The following EPN1 variants were observed in gnomAD, a reference collection of about 807,000 sequenced individuals.
EPN1 encodes the protein epsin 1.
Under a neutral mutation model 56.9 loss-of-function variants are expected in EPN1, and 25 were observed. That is an observed-to-expected ratio of 0.44 (90% CI 0.32 to 0.61). EPN1 has a LOEUF of 0.61. Ranked by LOEUF, EPN1 falls within the 20% of genes least tolerant of loss-of-function variation. The pLI, the probability that EPN1 is intolerant of heterozygous loss-of-function variation, is 0.05. For missense variants in EPN1, 785 were observed against 823.7 expected (o/e 0.95, Z 0.58); for synonymous variants, 411 against 361.8 (o/e 1.14, Z -1.54).
rs1206959659 is a variant in EPN1, at chr19:55,678,509, G to A, written c.-101-18G>A. On this transcript the variant is annotated intron_variant, in intron 1 of 10. Coordinates refer to ENST00000270460, the MANE Select transcript of EPN1 (RefSeq NM_001130072.2). ...CCATGTCCCATTTGTGTTTCCAGAG[G>A]TCCTCTTCCCCTCGCAGATGCGGTG... is the stretch of plus-strand genomic sequence containing the variant. The A allele has an allele frequency of 2.0e-6, 3 of 1,531,760 alleles. No homozygotes were observed. Among genetic ancestry groups the A allele is most frequent in the East Asian group, 4.9e-5 (2 of 40,862 alleles). 94.9% of individuals were successfully genotyped at this position (1,531,760 alleles called of 1,614,324 possible). A position where few individuals can be genotyped will look rare whatever the true frequency, so the allele number is the denominator to read the frequency against.
chr19:55,685,570 C>T lies in EPN1; in HGVS notation c.403C>T (p.Arg135Cys), dbSNP rs371934499. Residue 135 changes from arginine (R) to cysteine (C), a missense_variant, in exon 3 of 11, where the codon CGC (arginine) becomes TGC (cysteine). Arg to Cys is a radical substitution (Grantham distance 180). Around this residue, in one of 2 missense-constraint regions of EPN1, gnomAD observed 135 missense variants for 218.7 expected, o/e 0.62. Transcript: ENST00000270460. ...EKAKQLVALLRDEDRLREERA... is the reference protein window; with the variant it reads ...EKAKQLVALLCDEDRLREERA... ...AGCTAAGCAGCTGGTGGCCCTGCTG[C>T]GCGACGAGGACCGGCTGCGGGAAGA... The T allele has an allele frequency of 5.0e-6, 8 of 1,610,050 alleles. No individual in the cohort carries two copies. Among genetic ancestry groups the T allele is most frequent in the African/African-American group, 2.7e-5 (2 of 74,848 alleles).
At position 55,694,898 on chromosome 19, in the gene EPN1, A is replaced by T; in HGVS notation, c.1437A>T (p.Ala479=). The T allele has an allele frequency of 6.3e-7, 1 of 1,593,050 alleles. No homozygotes were observed. The highest frequency in any genetic ancestry group is 8.5e-7 in the Non-Finnish European group (1 of 1,170,248). Residue 479 remains alanine, a synonymous_variant, in exon 10 of 11, where the codon GCA becomes GCT. Transcript: ENST00000270460. This position sits in a 1 kb window ranked among gnomAD's most constrained non-coding sequence, Gnocchi z 4.2. The part of the protein sequence containing the change: ...KTPESFLGPN[A]ALVDLDSLVS... ...CGGAGTCATTCCTGGGGCCCAATGC[A>T]GCCCTCGTCGACCTGGACTCGCTGG... is the stretch of plus-strand genomic sequence containing the variant.
rs1986371466 is a variant in EPN1 at position 55,689,219 on chromosome 19, C to T, written c.604-78C>T. ...GACCCCCAGCCCTCTCTTTCTTCGG[C>T]TCTATCTGACCCTGGCTCTGCCTCT... is the stretch of plus-strand genomic sequence containing the variant. On this transcript the variant is annotated intron_variant, in intron 4 of 10. Coordinates refer to ENST00000270460, the MANE Select transcript of EPN1 (RefSeq NM_001130072.2). The surrounding 1 kb of genome is among the most constrained non-coding windows in gnomAD (Gnocchi z 5.7). 5.7e-6 allele frequency: 7 copies of T among 1,226,668 alleles called. 1 individual carries two copies. In the Middle Eastern group the frequency reaches 9.4e-4, roughly 165 times the overall value. The allele number at this position is 1,226,668 out of a possible 1,614,324, so 76.0% of individuals were successfully genotyped here. A position where few individuals can be genotyped will look rare whatever the true frequency, so the allele number is the denominator to read the frequency against.
Position 55,701,959 on chromosome 19 carries a change from C to CT in EPN1, c.*6623dup, listed in dbSNP as rs1160028473. 4,015 of 110,742 alleles carry CT rather than the reference C, an allele frequency of 0.036. 164 individuals carry two copies. Among genetic ancestry groups the CT allele is most frequent in the Non-Finnish European group, 0.051 (2,925 of 57,150 alleles). The allele number at this position is 110,742 out of a possible 1,614,324, so 6.9% of individuals were successfully genotyped here. A position where few individuals can be genotyped will look rare whatever the true frequency, so the allele number is the denominator to read the frequency against. On this transcript the variant is annotated 3_prime_UTR_variant, in exon 11 of 11. Transcript: ENST00000270460. ...AGTCTCTAGCAGCCCCCACCCCATT[C>CT]TTTTTTTTTTTTTTTTTTTTGAGAT...
intron 1 of EPN1, chr19:55,677,546 C>G: frequency 6.7e-7 from 1 of 1,491,664 alleles, no homozygotes; most frequent in Non-Finnish European, 9.1e-7. Flanking sequence ...TATTTAACTT[C>G]CAGGAGCCCA....
In EPN1 at chr19:55,697,641, T is replaced by C. The variant is rs1299131290; in HGVS notation, c.*2285T>C. Reference sequence around the variant, plus strand: ...CTACAGCATCTTCGGCATCTTCTTTTCCCTACAGTGCGAATTACAAAGTAG... The same window carrying C: ...CTACAGCATCTTCGGCATCTTCTTTCCCCTACAGTGCGAATTACAAAGTAG... On this transcript the variant is annotated 3_prime_UTR_variant, in exon 11 of 11. Transcript: ENST00000270460. 2.6e-5 allele frequency: 4 copies of C among 152,106 alleles called. No homozygotes were observed. The East Asian group carries it at 7.7e-4, about 29-fold the overall frequency. 9.4% of individuals were successfully genotyped at this position (152,106 alleles called of 1,614,324 possible).
chr19:55,700,367 C>T lies in EPN1; in HGVS notation c.*5011C>T, dbSNP rs1987084503. 1.3e-5 allele frequency: 2 copies of T among 151,216 alleles called. No individual in the cohort carries two copies. The highest frequency in any genetic ancestry group is 5.0e-5 in the African/African-American group (2 of 39,820). 9.4% of individuals were successfully genotyped at this position (151,216 alleles called of 1,614,324 possible). ...CGATCTCGGCTCACTGCAACCTCCG[C>T]CTCCCGGGTTCAAGCGATTCTCCTG... is the stretch of plus-strand genomic sequence containing the variant. On this transcript the variant is annotated 3_prime_UTR_variant, in exon 11 of 11. Transcript: ENST00000270460.
At chr19:55,680,178 T>C (rs1436747720) in intron 2 of EPN1, among the ~76,000 whole-genome samples, 1 of 152,180 alleles carries the variant, frequency 6.6e-6, no homozygotes, top group African/African-American at 2.4e-5. Context: ...GCTGCTTTAC[T>C]GAGGTGTAAT....
chr19:55,688,765 T>C (rs1259693228), intron 3 of EPN1, 105 bp from the exon 4 acceptor site: 3 of 1,484,596 alleles, frequency 2.0e-6, no homozygotes, highest in Non-Finnish European at 2.7e-6. Context: ...GTGGGGGACT[T>C]GGGGGGTGGG....
rs984816862 is a variant in EPN1 at position 55,693,267 on chromosome 19, A to G, written c.1264+230A>G. The G allele has an allele frequency of 3.6e-5, 19 of 533,810 alleles. No individual in the cohort carries two copies. In the South Asian group the frequency reaches 4.7e-4, roughly 13 times the overall value. The allele number at this position is 533,810 out of a possible 1,614,324, so 33.1% of individuals were successfully genotyped here. A position where few individuals can be genotyped will look rare whatever the true frequency, so the allele number is the denominator to read the frequency against. On this transcript the variant is annotated intron_variant, in intron 9 of 10. Transcript: ENST00000270460. ...AGAGAAAAACTGAGAATTGTTCTCAAGGTTTCCCACCCGAATGTTGACCTC... is the reference window on the plus strand; with the variant it reads ...AGAGAAAAACTGAGAATTGTTCTCAGGGTTTCCCACCCGAATGTTGACCTC...
chr19:55,686,579 C>T (rs1344048893), intron 3 of EPN1, among the ~76,000 whole-genome samples: 1 of 152,012 alleles, frequency 6.6e-6, no homozygotes, highest in East Asian at 1.9e-4. Context: ...TTGGACGGGT[C>T]TCATTTGGGA....
chr19:55,702,912 A>G lies in EPN1; in HGVS notation c.*7556A>G, dbSNP rs1208813755. ...CGGGTTCATGCCATTCTCCTGCCTC[A>G]GCCTCCCGAGTAGCTGGGACTACAG... On this transcript the variant is annotated 3_prime_UTR_variant, in exon 11 of 11. Coordinates refer to ENST00000270460, the MANE Select transcript of EPN1 (RefSeq NM_001130072.2). 1 of 151,684 alleles carries G rather than the reference A, an allele frequency of 6.6e-6. No homozygotes were observed. Among genetic ancestry groups the G allele is most frequent in the Non-Finnish European group, 1.5e-5 (1 of 67,970 alleles). The allele number at this position is 151,684 out of a possible 1,614,324, so 9.4% of individuals were successfully genotyped here.
Position 55,694,552 on chromosome 19 carries a change from C to T in EPN1, c.1265-174C>T, listed in dbSNP as rs189758525. 1.1e-3 allele frequency: 727 copies of T among 663,652 alleles called. 1 individual carries two copies. Among genetic ancestry groups the T allele is most frequent in the African/African-American group, 9.8e-3 (537 of 54,522 alleles). 41.1% of individuals were successfully genotyped at this position (663,652 alleles called of 1,614,324 possible). ...CCCACCTTATGGGAATCTGGGCTGA[C>T]GTGAGGTTTTGGCCTGGGCAAGCGA... On this transcript the variant is annotated intron_variant, in intron 9 of 10. Coordinates refer to ENST00000270460, the MANE Select transcript of EPN1 (RefSeq NM_001130072.2). The surrounding 1 kb of genome is among the most constrained non-coding windows in gnomAD (Gnocchi z 4.2).
rs1322414167 is a variant in EPN1, at chr19:55,689,257, G to A, written c.604-40G>A. The A allele has an allele frequency of 2.1e-6, 3 of 1,425,704 alleles. No homozygotes were observed. The highest frequency in any genetic ancestry group is 1.4e-5 in the African/African-American group (1 of 70,536). The allele number at this position is 1,425,704 out of a possible 1,614,324, so 88.3% of individuals were successfully genotyped here. On this transcript the variant is annotated intron_variant, in intron 4 of 10. Coordinates refer to ENST00000270460, the MANE Select transcript of EPN1 (RefSeq NM_001130072.2). This position sits in a 1 kb window ranked among gnomAD's most constrained non-coding sequence, Gnocchi z 5.7. ...TGGCTCTGCCTCTGACTCTGCCTCT[G>A]GCCCCTCCCGTCATGCCCCTCACAC...
At chr19:55,677,367 C>T (rs935633362) in intron 1 of EPN1, 12 of 685,286 alleles carry the variant, frequency 1.8e-5, no homozygotes, top group Admixed American at 4.5e-5. Flanking sequence ...AAGAGCAGTG[C>T]GAGTGTCTGC....
Position 55,701,314 on chromosome 19 carries a change from TG to T in EPN1, c.*5960del, listed in dbSNP as rs1249862395. 1.3e-5 allele frequency: 2 copies of T among 151,946 alleles called. No individual in the cohort carries two copies. The highest frequency in any genetic ancestry group is 4.8e-5 in the African/African-American group (2 of 41,322). The allele number at this position is 151,946 out of a possible 1,614,324, so 9.4% of individuals were successfully genotyped here. A position where few individuals can be genotyped will look rare whatever the true frequency, so the allele number is the denominator to read the frequency against. On this transcript the variant is annotated 3_prime_UTR_variant, in exon 11 of 11. Transcript: ENST00000270460. ...AAATACAAAAATTAGCCTAGTGTGG[TG>T]GCGGGCACCTGTAATCCCAGCTACT...
At chr19:55,688,380 T>G (rs900328519) in intron 3 of EPN1, among the ~76,000 whole-genome samples, 12 of 152,104 alleles carry the variant, frequency 7.9e-5, no homozygotes, top group Non-Finnish European at 1.3e-4. Context: ...GCCCACTCCC[T>G]AACCCCGACT....
rs1480053977 is a variant in EPN1, at chr19:55,703,449, A to C, written c.*8093A>C. 6.6e-6 allele frequency: 1 copy of C among 152,036 alleles called. No homozygotes were observed. The highest frequency in any genetic ancestry group is 2.4e-5 in the African/African-American group (1 of 41,330). 9.4% of individuals were successfully genotyped at this position (152,036 alleles called of 1,614,324 possible). A position where few individuals can be genotyped will look rare whatever the true frequency, so the allele number is the denominator to read the frequency against. ...AGCGATTCTCCTGCTTCAGCCTCTC[A>C]AGTAGCTGGGATTACAGGTGCCCGC... On this transcript the variant is annotated 3_prime_UTR_variant, in exon 11 of 11. Coordinates refer to ENST00000270460, the MANE Select transcript of EPN1 (RefSeq NM_001130072.2).
rs780724127 is a variant in EPN1 at position 55,707,412 on chromosome 19, C to T, written c.*12056C>T. 2 of 152,416 alleles carry T rather than the reference C, an allele frequency of 1.3e-5. No individual in the cohort carries two copies. The highest frequency in any genetic ancestry group is 6.5e-5 in the Admixed American group (1 of 15,292). 9.4% of individuals were successfully genotyped at this position (152,416 alleles called of 1,614,324 possible). A position where few individuals can be genotyped will look rare whatever the true frequency, so the allele number is the denominator to read the frequency against. ...AACCAGTCAAATGTGAAACTGGTGTCAGGGGTATGTTCTCCATGTTGAGCC... is the reference window on the plus strand; with the variant it reads ...AACCAGTCAAATGTGAAACTGGTGTTAGGGGTATGTTCTCCATGTTGAGCC... On this transcript the variant is annotated 3_prime_UTR_variant, in exon 11 of 11. Coordinates refer to ENST00000270460, the MANE Select transcript of EPN1 (RefSeq NM_001130072.2).
Sources: gnomAD v4.1 joint callset for allele counts (sites outside exome capture counted in the v4.1 genomes callset) on GRCh38, gnomAD v4.1.1 for gene constraint, gnomAD v4.1.1 regional missense constraint, Gnocchi (gnomAD v3.1) non-coding constraint, MANE v1.5 for transcripts, NCBI Gene and HGNC (gene_info 2026-07-23, HGNC 2026-07-21) for gene names.